ABTB3: variants seen among roughly 807,000 people sequenced by gnomAD.
ABTB3 encodes ankyrin repeat and BTB domain containing 3.
At chr12:107,381,507 G>C in the ABTB3 span, among the ~76,000 whole-genome samples, 1 of 152,236 alleles carries the variant, frequency 6.6e-6, no homozygotes, top group African/African-American at 2.4e-5. Flanking sequence ...AGAAAGAGGA[G>C]AGCTCCGGGT....
At chr12:107,520,614 C>A in the ABTB3 span, 41 of 1,614,048 alleles carry the variant, frequency 2.5e-5, no homozygotes, top group Non-Finnish European at 3.4e-5. Flanking sequence ...TGGCCACGCG[C>A]GTAGGCAGCA....
At chr12:107,608,640 C>T in the ABTB3 span, among the ~76,000 whole-genome samples, 1 of 152,002 alleles carries the variant, frequency 6.6e-6, no homozygotes, top group African/African-American at 2.4e-5. Flanking sequence ...AAGGCCAAGG[C>T]GGGAGAATTG....
At chr12:107,547,598 C>T in the ABTB3 span, among the ~76,000 whole-genome samples, 1 of 152,162 alleles carries the variant, frequency 6.6e-6, no homozygotes, top group East Asian at 1.9e-4. Flanking sequence ...CTTTCCATGC[C>T]TCTTTGGTTG....
chr12:107,396,858 CTT>C, the ABTB3 span, among the ~76,000 whole-genome samples: 1 of 152,194 alleles, frequency 6.6e-6, no homozygotes, highest in African/African-American at 2.4e-5. Context: ...TCCAGTCTGT[CTT>C]TACGTTGTGC....
chr12:107,600,241 C>T, the ABTB3 span, among the ~76,000 whole-genome samples: 3,428 of 152,224 alleles, frequency 0.023, 121 homozygotes, highest in African/African-American at 0.076. Context: ...ACAAGCTGTG[C>T]GACCTTGAGC....
chr12:107,622,269 G>A, the ABTB3 span, among the ~76,000 whole-genome samples: 1,495 of 152,222 alleles, frequency 9.8e-3, 16 homozygotes, highest in African/African-American at 0.034. Flanking sequence ...TAATTTCCCC[G>A]AGCCTGCAGG....
At chr12:107,379,514 G>A in the ABTB3 span, among the ~76,000 whole-genome samples, 1 of 152,134 alleles carries the variant, frequency 6.6e-6, no homozygotes, top group Non-Finnish European at 1.5e-5. Flanking sequence ...CTTCCACCAT[G>A]ATTGTGAGGC....
the ABTB3 span, among the ~76,000 whole-genome samples, chr12:107,500,608 C>T: frequency 6.6e-6 from 1 of 152,328 alleles, no homozygotes; most frequent in African/African-American, 2.4e-5. Flanking sequence ...CTGCCTTCTA[C>T]CAGAGTTTCC....
the ABTB3 span, chr12:107,610,176 C>T: frequency 6.2e-7 from 1 of 1,614,156 alleles, no homozygotes; most frequent in South Asian, 1.1e-5. Context: ...CATGATGTCT[C>T]TTCCCTTCCT....
the ABTB3 span, among the ~76,000 whole-genome samples, chr12:107,518,268 C>A: frequency 6.6e-6 from 1 of 152,132 alleles, no homozygotes; most frequent in Non-Finnish European, 1.5e-5. Context: ...TGGGTATATA[C>A]CCAAAGGATT....
the ABTB3 span, chr12:107,642,160 T>A: frequency 6.2e-7 from 1 of 1,613,998 alleles, no homozygotes; most frequent in Non-Finnish European, 8.5e-7. Context: ...TGTGAAATAC[T>A]CCATCTTTCA....
At chr12:107,375,384 C>T in the ABTB3 span, among the ~76,000 whole-genome samples, 1 of 152,108 alleles carries the variant, frequency 6.6e-6, no homozygotes, top group Admixed American at 6.5e-5. Flanking sequence ...TGCCGCTGCA[C>T]TCTAGCTTGA....
chr12:107,435,267 G>A, the ABTB3 span, among the ~76,000 whole-genome samples: 1 of 152,180 alleles, frequency 6.6e-6, no homozygotes, highest in Admixed American at 6.5e-5. Context: ...CACTGAGTAC[G>A]CACATTCCCA....
At chr12:107,466,005 C>A in the ABTB3 span, among the ~76,000 whole-genome samples, 4 of 152,294 alleles carry the variant, frequency 2.6e-5, no homozygotes, top group Admixed American at 2.6e-4. Context: ...GTGAGCAGAG[C>A]AAAAGAGACA....
chr12:107,357,226 T>A, the ABTB3 span, among the ~76,000 whole-genome samples: 1 of 152,232 alleles, frequency 6.6e-6, no homozygotes, highest in Non-Finnish European at 1.5e-5. Context: ...GAATGGCAAC[T>A]GTATAGCACA....
At chr12:107,625,857 C>T in the ABTB3 span, among the ~76,000 whole-genome samples, 4 of 152,158 alleles carry the variant, frequency 2.6e-5, no homozygotes, top group South Asian at 2.1e-4. Context: ...TCAGGGGTGC[C>T]GTGTTGCAGC....
chr12:107,450,700 C>A, the ABTB3 span, among the ~76,000 whole-genome samples: 2 of 152,012 alleles, frequency 1.3e-5, no homozygotes, highest in Non-Finnish European at 2.9e-5. Flanking sequence ...CATGAAAGCC[C>A]AGGGAGGGAA....
chr12:107,607,907 A>C, the ABTB3 span, among the ~76,000 whole-genome samples: 492 of 152,206 alleles, frequency 3.2e-3, 4 homozygotes, highest in Non-Finnish European at 5.7e-3. Flanking sequence ...GCTACTGAGG[A>C]GTCTCAGCGC....
the ABTB3 span, among the ~76,000 whole-genome samples, chr12:107,456,913 G>A: frequency 6.6e-6 from 1 of 151,722 alleles, no homozygotes; most frequent in Non-Finnish European, 1.5e-5. Context: ...AGGCTGGAGT[G>A]CAGTGGTGTG....
Sources: allele counts gnomAD v4.1 joint callset (sites outside exome capture counted in the v4.1 genomes callset), GRCh38; gene constraint gnomAD v4.1.1; transcripts MANE v1.5; gene names NCBI Gene and HGNC (gene_info 2026-07-23, HGNC 2026-07-21).